CWF19L1: variants seen among roughly 807,000 people sequenced by gnomAD.
CWF19L1 encodes CWF19 like cell cycle control factor 1, also known as CWF19-like protein 1.
A neutral mutation model predicts 69.7 loss-of-function variants in CWF19L1; 60 were observed. The ratio of observed to expected loss-of-function variants is 0.86; its 90% CI spans 0.70 to 1.07. CWF19L1 has a LOEUF of 1.07. Ranked by LOEUF, CWF19L1 falls within the 50% of genes least tolerant of loss-of-function variation. The pLI, the probability that CWF19L1 is intolerant of heterozygous loss-of-function variation, is 0.00. For missense variants in CWF19L1, 591 were observed against 638.9 expected, an observed-to-expected ratio of 0.92 and a Z score of 0.81; for synonymous variants, 209 against 222.2, an observed-to-expected ratio of 0.94 and a Z score of 0.53.
At chr10:100,260,193 A>G (rs772004368) in intron 4 of CWF19L1, 25 bp downstream of exon 4, 4 of 1,504,016 alleles carry the variant, frequency 2.7e-6, no homozygotes, top group African/African-American at 1.4e-5. Context: ...AAAACAAAAA[A>G]AAAATACAAC....
At chr10:100,264,609 CAAAAAAA>C (rs34568805) in intron 1 of CWF19L1, among the ~76,000 whole-genome samples, 3 of 100,576 alleles carry the variant, frequency 3.0e-5, no homozygotes, top group Non-Finnish European at 6.7e-5. Flanking sequence ...CCTACGTATT[CAAAAAAA>C]AAAAAAAAAA....
chr10:100,255,607 C>A (rs977144533), intron 5 of CWF19L1, among the ~76,000 whole-genome samples: 1 of 151,942 alleles, frequency 6.6e-6, no homozygotes, highest in African/African-American at 2.4e-5. Context: ...TAATAAAATA[C>A]AAAAAATTAG....
At chr10:100,255,959 A>C (rs968709846) in intron 5 of CWF19L1, among the ~76,000 whole-genome samples, 3 of 151,736 alleles carry the variant, frequency 2.0e-5, no homozygotes, top group African/African-American at 7.3e-5. Context: ...AAAACAAAAA[A>C]ATCAGTGAAG....
chr10:100,237,086 G>A (rs1846467232), intron 11 of CWF19L1, 117 bp from the exon 12 acceptor site: 1 of 1,251,046 alleles, frequency 8.0e-7, no homozygotes, highest in Admixed American at 2.0e-5. Context: ...CCTCAGCACA[G>A]AATATCCTCA....
chr10:100,264,027 T>C (rs1158544289), intron 1 of CWF19L1, among the ~76,000 whole-genome samples: 1 of 152,160 alleles, frequency 6.6e-6, no homozygotes, highest in African/African-American at 2.4e-5. Flanking sequence ...ACATATGTAA[T>C]GGTGGTCCCA....
chr10:100,251,390 T>A (rs61286369), intron 6 of CWF19L1, among the ~76,000 whole-genome samples: 45,484 of 152,130 alleles, frequency 0.3, 8,492 homozygotes, highest in East Asian at 0.44. Flanking sequence ...TTATTATGTA[T>A]TTGCCTTTTT....
intron 1 of CWF19L1, among the ~76,000 whole-genome samples, chr10:100,266,935 T>A (rs1164639635): frequency 1.4e-5 from 2 of 144,166 alleles, no homozygotes; most frequent in East Asian, 4.2e-4. Flanking sequence ...AACCTCCGCC[T>A]CCCGGGTTCA....
At chr10:100,265,948 G>A (rs1417179517) in intron 1 of CWF19L1, among the ~76,000 whole-genome samples, 2 of 152,136 alleles carry the variant, frequency 1.3e-5, no homozygotes, top group Admixed American at 6.6e-5. Context: ...TGTACAGGAA[G>A]CCATACCATC....
chr10:100,260,186 A>C lies in CWF19L1; in HGVS notation c.289+32T>G, dbSNP rs539618610. On this transcript the variant is annotated intron_variant, in intron 4 of 13. Coordinates refer to ENST00000354105, the MANE Select transcript of CWF19L1 (RefSeq NM_018294.6). ...CCGTCTCAAAAACAAAAAACAAAAA[A>C]CAAAAAAAAAATACAACAAGTATCA... 693 of 1,471,426 alleles carry C rather than the reference A, an allele frequency of 4.7e-4. 2 individuals carry two copies. The African/African-American group carries it at 9.0e-3, about 19-fold the overall frequency. The allele number at this position is 1,471,426 out of a possible 1,614,324, so 91.1% of individuals were successfully genotyped here. A position where few individuals can be genotyped will look rare whatever the true frequency, so the allele number is the denominator to read the frequency against.
intron 8 of CWF19L1, among the ~76,000 whole-genome samples, chr10:100,246,337 A>G (rs1846818349): frequency 6.6e-6 from 1 of 152,236 alleles, no homozygotes; most frequent in Non-Finnish European, 1.5e-5. Context: ...CAGACCGTGC[A>G]TGCTAGTAAG....
chr10:100,257,498 TCA>T (rs1847254569), intron 4 of CWF19L1, among the ~76,000 whole-genome samples: 1 of 151,764 alleles, frequency 6.6e-6, no homozygotes, highest in Non-Finnish European at 1.5e-5. Context: ...TGGGGTTTCA[TCA>T]TGTTGGCCAG....
intron 10 of CWF19L1, 86 bp from the exon 11 acceptor site, chr10:100,238,317 A>G: frequency 8.0e-7 from 1 of 1,243,444 alleles, no homozygotes; most frequent in Non-Finnish European, 1.2e-6. Context: ...AGTGAGCCTG[A>G]GGGTGTAGGC....
intron 6 of CWF19L1, among the ~76,000 whole-genome samples, chr10:100,252,138 T>TAA (rs1847057184): frequency 6.6e-6 from 1 of 152,232 alleles, no homozygotes; most frequent in South Asian, 2.1e-4. Flanking sequence ...TCAGTGAAGA[T>TAA]AATTCTGAGC....
chr10:100,261,992 C>T lies in CWF19L1; in HGVS notation c.95G>A (p.Ser32Asn). The change falls in exon 2 of 14, where the codon AGT becomes AAT. Residue 32 changes from serine to asparagine, a missense_variant. Transcript: ENST00000354105. Reference protein sequence around the residue: ...FNRVQAIQKKSGNFDLLLCVG... With the variant: ...FNRVQAIQKKNGNFDLLLCVG... ...CAAACATCTTACATCAAAGTTTCCA[C>T]TTTTCTTCTGAATTGCTTGAACTCT... 1 of 1,602,662 alleles carries T rather than the reference C, an allele frequency of 6.2e-7. No individual in the cohort carries two copies. Among genetic ancestry groups the T allele is most frequent in the Non-Finnish European group, 8.5e-7 (1 of 1,177,164 alleles).
rs77776452 is a variant in CWF19L1 at position 100,233,166 on chromosome 10, TAA to T, written c.*59_*60del. 12,425 of 1,250,020 alleles carry T rather than the reference TAA, an allele frequency of 9.9e-3. No homozygotes were observed. Among genetic ancestry groups the T allele is most frequent in the Middle Eastern group, 0.014 (51 of 3,636 alleles). The allele number at this position is 1,250,020 out of a possible 1,614,324, so 77.4% of individuals were successfully genotyped here. ...TTGTCTCAAAAAAAATTCTTTTAAT[TAA>T]AAAAAAAAAAAAGCTTTACTACTTC... On this transcript the variant is annotated 3_prime_UTR_variant, in exon 14 of 14. Transcript: ENST00000354105.
chr10:100,258,205 T>C (rs926089253), intron 4 of CWF19L1, among the ~76,000 whole-genome samples: 3 of 152,144 alleles, frequency 2.0e-5, no homozygotes, highest in African/African-American at 7.2e-5. Flanking sequence ...GCCATTGCAA[T>C]TCAGTCTGGG....
At chr10:100,249,470 A>G (rs1846948438) in intron 7 of CWF19L1, among the ~76,000 whole-genome samples, 1 of 138,328 alleles carries the variant, frequency 7.2e-6, no homozygotes, top group Admixed American at 6.7e-5. Context: ...TTTTTCTGGT[A>G]TATTCTTTTC....
intron 6 of CWF19L1, among the ~76,000 whole-genome samples, chr10:100,251,468 G>A (rs553438706): frequency 6.7e-6 from 1 of 150,010 alleles, no homozygotes; most frequent in Admixed American, 6.6e-5. Flanking sequence ...TACCATAATG[G>A]CTAATGATAA....
At chr10:100,243,129 T>C (rs1486702154) in intron 10 of CWF19L1, among the ~76,000 whole-genome samples, 2 of 152,212 alleles carry the variant, frequency 1.3e-5, no homozygotes, top group Admixed American at 6.5e-5. Flanking sequence ...ATCCAAAATA[T>C]AGACCATTCC....
Sources: gnomAD v4.1 joint callset for allele counts (sites outside exome capture counted in the v4.1 genomes callset) on GRCh38, gnomAD v4.1.1 for gene constraint, MANE v1.5 for transcripts, NCBI Gene and HGNC (gene_info 2026-07-23, HGNC 2026-07-21) for gene names.